The following DDX10 variants were observed in gnomAD, a reference collection of about 807,000 sequenced individuals.
The protein encoded by DDX10 is probable ATP-dependent RNA helicase DDX10.
In DDX10, 74 loss-of-function variants were observed where a neutral mutation model predicts 104.3. The ratio of observed to expected loss-of-function variants is 0.71; its 90% confidence interval spans 0.59 to 0.86. DDX10 has a LOEUF of 0.86. Among genes scored for constraint, DDX10 ranks in the 40% least tolerant of loss-of-function variants. The probability of loss-of-function intolerance (pLI) is 0.00; values close to 1 mark genes in which losing one functional copy is unlikely to be tolerated. For missense variants in DDX10, 952 were observed against 1,040.0 expected, an observed-to-expected ratio of 0.92 and a Z score of 1.16; for synonymous variants, 351 against 353.4, an observed-to-expected ratio of 0.99 and a Z score of 0.08.
intron 1 of DDX10, among the ~76,000 whole-genome samples, chr11:108,672,468 C>T (rs1004699869): frequency 3.3e-5 from 5 of 152,192 alleles, no homozygotes; most frequent in African/African-American, 1.2e-4. Flanking sequence ...CTGATTCTGC[C>T]TCCTTTCCAG....
At chr11:108,760,352 A>G (rs1591811314) in intron 13 of DDX10, among the ~76,000 whole-genome samples, 1 of 152,128 alleles carries the variant, frequency 6.6e-6, no homozygotes, top group East Asian at 1.9e-4. Flanking sequence ...CCTGAGGACT[A>G]AGGAGAAGGC....
At chr11:108,883,145 C>T (rs868785479) in intron 16 of DDX10, among the ~76,000 whole-genome samples, 9 of 152,150 alleles carry the variant, frequency 5.9e-5, no homozygotes, top group Non-Finnish European at 1.2e-4. Flanking sequence ...AGAGACTTGA[C>T]TGGTGTTATT....
chr11:108,864,696 G>A (rs931629127), intron 16 of DDX10, among the ~76,000 whole-genome samples: 5 of 152,068 alleles, frequency 3.3e-5, no homozygotes, highest in Admixed American at 2.0e-4. Flanking sequence ...CTGGACTCAC[G>A]TGATCCTCTC....
intron 6 of DDX10, among the ~76,000 whole-genome samples, chr11:108,686,064 A>G (rs1255723541): frequency 6.6e-6 from 1 of 152,154 alleles, no homozygotes; most frequent in African/African-American, 2.4e-5. Flanking sequence ...AATTCCCTAT[A>G]GATATGGCCT....
intron 10 of DDX10, among the ~76,000 whole-genome samples, chr11:108,711,838 G>A (rs115252706): frequency 0.012 from 1,784 of 152,280 alleles, 38 homozygotes; most frequent in African/African-American, 0.041. Flanking sequence ...TGATGGTATT[G>A]TTGAGTTCAA....
At chr11:108,665,507 T>C (rs2094208982) in intron 1 of DDX10, among the ~76,000 whole-genome samples, 168 bp downstream of exon 1, 1 of 151,736 alleles carries the variant, frequency 6.6e-6, no homozygotes, top group African/African-American at 2.4e-5. Context: ...TTCTGGCCAC[T>C]CTTCTGCTTG....
chr11:108,825,212 GA>G (rs1862379879), intron 13 of DDX10, among the ~76,000 whole-genome samples: 1 of 152,158 alleles, frequency 6.6e-6, no homozygotes, highest in South Asian at 2.1e-4. Flanking sequence ...TTGAGGAAAG[GA>G]AGACAAATAT....
At chr11:108,712,469 T>C (rs1266820700) in intron 10 of DDX10, among the ~76,000 whole-genome samples, 1 of 152,152 alleles carries the variant, frequency 6.6e-6, no homozygotes, top group African/African-American at 2.4e-5. Context: ...TTTCACTTTT[T>C]TTAGTGATTG....
intron 13 of DDX10, among the ~76,000 whole-genome samples, chr11:108,776,762 G>T (rs2094370445): frequency 6.6e-6 from 1 of 152,162 alleles, no homozygotes; most frequent in African/African-American, 2.4e-5. Context: ...TTGTTGCTGG[G>T]TTATAGATGG....
chr11:108,935,523 T>C (rs1864025664), intron 17 of DDX10, among the ~76,000 whole-genome samples: 2 of 152,190 alleles, frequency 1.3e-5, no homozygotes, highest in African/African-American at 4.8e-5. Flanking sequence ...AGAAATGTTA[T>C]ACATGAAGGT....
At position 108,678,896 on chromosome 11, in the gene DDX10, T is replaced by TA. The variant is rs1491332009; in HGVS notation, c.658+462dup. On this transcript the variant is annotated intron_variant, in intron 5 of 17. Transcript: ENST00000322536. Reference sequence around the variant, plus strand: ...TTTTTTTTTTTTTTTTTTTTTTTTTTATACAGAGTTTCGCTCTGTTGCTAG... The same window carrying TA: ...TTTTTTTTTTTTTTTTTTTTTTTTTTAATACAGAGTTTCGCTCTGTTGCTAG... Among the ~76,000 whole-genome samples, 13 of 110,550 alleles carry TA rather than the reference T, an allele frequency of 1.2e-4. No homozygotes were observed. In the East Asian group the frequency reaches 1.8e-3, roughly 15 times the overall value. 72.5% of individuals were successfully genotyped at this position (110,550 alleles called of 152,430 possible).
At chr11:108,729,558 A>T (rs1364495335) in intron 13 of DDX10, among the ~76,000 whole-genome samples, 1 of 152,084 alleles carries the variant, frequency 6.6e-6, no homozygotes, top group African/African-American at 2.4e-5. Flanking sequence ...AAAACAAGGA[A>T]GAACAAAAGA....
chr11:108,803,582 GAAAAAAAA>G (rs34367715), intron 13 of DDX10, among the ~76,000 whole-genome samples: 3 of 22,468 alleles, frequency 1.3e-4, no homozygotes, highest in African/African-American at 3.1e-4. Flanking sequence ...CAACAAGAGC[GAAAAAAAA>G]AAAAAAAAAA....
intron 13 of DDX10, among the ~76,000 whole-genome samples, chr11:108,814,613 A>G (rs1862229354): frequency 6.6e-6 from 1 of 152,212 alleles, no homozygotes. Flanking sequence ...TTCCTGCTTC[A>G]TACAATCTTG....
chr11:108,688,612 A>G (rs1477004068), intron 6 of DDX10, among the ~76,000 whole-genome samples: 1 of 152,200 alleles, frequency 6.6e-6, no homozygotes, highest in African/African-American at 2.4e-5. Flanking sequence ...TAAAGCCCTA[A>G]TGAGATGTGG....
chr11:108,773,421 T>G (rs1489530563), intron 13 of DDX10, among the ~76,000 whole-genome samples: 2 of 152,248 alleles, frequency 1.3e-5, no homozygotes, highest in Admixed American at 1.3e-4. Flanking sequence ...ACCTGTGTTC[T>G]TTAACTGCCA....
chr11:108,825,723 C>T (rs1038604259), intron 13 of DDX10, among the ~76,000 whole-genome samples: 5 of 152,174 alleles, frequency 3.3e-5, no homozygotes, highest in Non-Finnish European at 7.4e-5. Flanking sequence ...TGACCATTTT[C>T]ATCACATTAT....
Position 108,687,600 on chromosome 11 carries a change from G to A in DDX10, c.849-1336G>A, listed in dbSNP as rs559623875. The stretch of plus-strand genomic sequence containing the variant: ...GGAGAGGTGTCTGTTAAGATTTTTG[G>A]CCTCCTTCCCCCTTTTAAAATTGGG... On this transcript the variant is annotated intron_variant, in intron 6 of 17. Coordinates refer to ENST00000322536, the MANE Select transcript of DDX10 (RefSeq NM_004398.4). Among the ~76,000 whole-genome samples the A allele has an allele frequency of 2.0e-5, 3 of 152,054 alleles. No individual in the cohort carries two copies. The East Asian group carries it at 5.8e-4, about 29-fold the overall frequency.
rs575144970 is a variant in DDX10, at chr11:108,892,879, T to C, written c.2305-24994T>C. On this transcript the variant is annotated intron_variant, in intron 16 of 17. Transcript: ENST00000322536. ...GCATGTGTACAACTGGCCCTTACTA[T>C]TATTCTCACCTATCCTTCACTGTTG... 8.5e-5 allele frequency among the ~76,000 whole-genome samples: 13 copies of C among 152,272 alleles called. No homozygotes were observed. In the South Asian group the frequency reaches 2.7e-3, roughly 32 times the overall value.
Sources: gnomAD v4.1 joint callset for allele counts (sites outside exome capture counted in the v4.1 genomes callset) on GRCh38, gnomAD v4.1.1 for gene constraint, MANE v1.5 for transcripts, NCBI Gene and HGNC (gene_info 2026-07-23, HGNC 2026-07-21) for gene names.